RBFOX3: variants seen among roughly 807,000 people sequenced by gnomAD.
RBFOX3 encodes the protein RNA binding fox-1 homolog 3, also known as RNA binding protein fox-1 homolog 3.
RBFOX3 carries 17 observed loss-of-function variants against 48.7 expected under a neutral mutation model. The ratio of observed to expected loss-of-function variants is 0.35; its 90% confidence interval spans 0.24 to 0.52. The LOEUF is 0.52. Ranked by LOEUF, RBFOX3 falls within the 20% of genes least tolerant of loss-of-function variation. The probability of loss-of-function intolerance (pLI) is 0.94; values close to 1 mark genes in which losing one functional copy is unlikely to be tolerated. For missense variants in RBFOX3, 382 were observed against 497.5 expected (o/e 0.77, Z 2.21); for synonymous variants, 212 against 209.5 (o/e 1.01, Z -0.10).
Position 79,514,146 on chromosome 17 carries a change from C to T in RBFOX3, c.-319-31548G>A, listed in dbSNP as rs888207752. 4.6e-5 allele frequency among the ~76,000 whole-genome samples: 7 copies of T among 152,316 alleles called. No homozygotes were observed. The East Asian group carries it at 1.4e-3, about 29-fold the overall frequency. On this transcript the variant is annotated intron_variant, in intron 1 of 14. Coordinates refer to ENST00000693108, the MANE Select transcript of RBFOX3 (RefSeq NM_001350451.2). ...ATGACAGCCTCCTACCATCTCCACCCTGTGCTGGACAGAGGAAGCCACTGG... is the reference window on the plus strand; with the variant it reads ...ATGACAGCCTCCTACCATCTCCACCTTGTGCTGGACAGAGGAAGCCACTGG...
intron 4 of RBFOX3, among the ~76,000 whole-genome samples, chr17:79,133,939 C>T (rs957260508): frequency 2.0e-5 from 3 of 152,250 alleles, no homozygotes; most frequent in Non-Finnish European, 2.9e-5. Context: ...GCTACAGAGG[C>T]ATCCTCGTTT....
At position 79,363,391 on chromosome 17, in the gene RBFOX3, C is replaced by G. The variant is rs1197987523; in HGVS notation, c.-174-55567G>C. ...TACCCAGGAAGTCTGTGGGCTGTTCCCTCTGGAAATAGGGGGCTAAGGTGT... is the reference window on the plus strand; with the variant it reads ...TACCCAGGAAGTCTGTGGGCTGTTCGCTCTGGAAATAGGGGGCTAAGGTGT... On this transcript the variant is annotated intron_variant, in intron 2 of 14. Coordinates refer to ENST00000693108, the MANE Select transcript of RBFOX3 (RefSeq NM_001350451.2). The surrounding 1 kb of genome is among the most constrained non-coding windows in gnomAD (Gnocchi z 4.7). 2.6e-5 allele frequency among the ~76,000 whole-genome samples: 4 copies of G among 152,068 alleles called. No individual in the cohort carries two copies. Among genetic ancestry groups the G allele is most frequent in the Non-Finnish European group, 4.4e-5 (3 of 67,986 alleles).
intron 3 of RBFOX3, among the ~76,000 whole-genome samples, chr17:79,244,365 C>T (rs1361726343): frequency 7.2e-5 from 11 of 152,182 alleles, no homozygotes; most frequent in Non-Finnish European, 4.4e-5. Context: ...GGCCCTGAGA[C>T]ACCTGCATTC....
intron 2 of RBFOX3, among the ~76,000 whole-genome samples, chr17:79,340,779 T>C (rs1214797498): frequency 1.3e-5 from 2 of 152,134 alleles, no homozygotes; most frequent in South Asian, 4.1e-4. Context: ...AACATCTGGA[T>C]TCCATTGCTA....
Position 79,090,586 on chromosome 17 carries a change from C to G in RBFOX3, c.*297G>C, listed in dbSNP as rs1310154016. 2.3e-6 allele frequency: 1 copy of G among 425,674 alleles called. No individual in the cohort carries two copies. The highest frequency in any genetic ancestry group is 4.2e-6 in the Non-Finnish European group (1 of 239,458). The allele number at this position is 425,674 out of a possible 1,614,324, so 26.4% of individuals were successfully genotyped here. ...GGGTCCCACAAGGGAGGCCCCTTCCCCTCCAACTCCCCCACTGCCTGAGAC... is the reference window on the plus strand; with the variant it reads ...GGGTCCCACAAGGGAGGCCCCTTCCGCTCCAACTCCCCCACTGCCTGAGAC... On this transcript the variant is annotated 3_prime_UTR_variant, in exon 15 of 15. Coordinates refer to ENST00000693108, the MANE Select transcript of RBFOX3 (RefSeq NM_001350451.2).
intron 2 of RBFOX3, among the ~76,000 whole-genome samples, chr17:79,463,039 C>CGCCACT (rs1273646563): frequency 1.6e-5 from 1 of 61,328 alleles, no homozygotes; most frequent in Non-Finnish European, 4.7e-5. Context: ...CCACCACCAT[C>CGCCACT]GCCACTGCCA....
rs968515642 is a variant in RBFOX3 at position 79,591,205 on chromosome 17, G to A, written c.-320+19621C>T. On this transcript the variant is annotated intron_variant, in intron 1 of 14. Transcript: ENST00000693108. ...CTGAACCTGGCAGTCACGTGGTCCC[G>A]GGGGTCGGCACCCATTGCCATGTGT... is the stretch of plus-strand genomic sequence containing the variant. 4.7e-3 allele frequency among the ~76,000 whole-genome samples: 712 copies of A among 152,298 alleles called. 8 individuals carry two copies. The highest frequency in any genetic ancestry group is 0.015 in the African/African-American group (628 of 41,574).
At chr17:79,107,975 G>A (rs572309174) in intron 5 of RBFOX3, among the ~76,000 whole-genome samples, 3 of 152,360 alleles carry the variant, frequency 2.0e-5, no homozygotes, top group African/African-American at 7.2e-5. Context: ...CTGCCCATGG[G>A]AACAGCAGGC....
At position 79,197,656 on chromosome 17, in the gene RBFOX3, A is replaced by G. The variant is rs562124490; in HGVS notation, c.-34+38110T>C. On this transcript the variant is annotated intron_variant, in intron 4 of 14. Transcript: ENST00000693108. ...GTGATCCGCCCACCTCGGCCTCCCA[A>G]AGTGCTGGGATTACAGGCATGAGCC... 2.0e-5 allele frequency among the ~76,000 whole-genome samples: 3 copies of G among 152,034 alleles called. No individual in the cohort carries two copies. The East Asian group carries it at 5.8e-4, about 30-fold the overall frequency.
chr17:79,557,540 A>AG (rs1258596613), intron 1 of RBFOX3, among the ~76,000 whole-genome samples: 1 of 152,208 alleles, frequency 6.6e-6, no homozygotes, highest in Non-Finnish European at 1.5e-5. Context: ...GTGGGGGGAA[A>AG]GGGGGGAAGA....
the RBFOX3 span, among the ~76,000 whole-genome samples, chr17:79,626,391 T>A: frequency 6.6e-6 from 1 of 152,214 alleles, no homozygotes; most frequent in Non-Finnish European, 1.5e-5. Context: ...TCTCATCACC[T>A]GTCTCAGCGG....
At chr17:79,551,313 A>G (rs1457776754) in intron 1 of RBFOX3, among the ~76,000 whole-genome samples, 2 of 152,158 alleles carry the variant, frequency 1.3e-5, no homozygotes, top group East Asian at 3.8e-4. Flanking sequence ...ATGCTTTTCA[A>G]CTTTAACATG....
intron 2 of RBFOX3, among the ~76,000 whole-genome samples, chr17:79,422,525 C>T (rs1193216091): frequency 1.3e-5 from 2 of 152,268 alleles, no homozygotes; most frequent in Admixed American, 1.3e-4. Flanking sequence ...TCCTCCCGCT[C>T]CCTACACACC....
chr17:79,462,443 GCA>G (rs1304341238), intron 2 of RBFOX3, among the ~76,000 whole-genome samples: 1 of 152,198 alleles, frequency 6.6e-6, no homozygotes, highest in East Asian at 1.9e-4. Context: ...GGTGTCTTAC[GCA>G]CAGTTAGCCC....
chr17:79,458,064 CG>C (rs758450328), intron 2 of RBFOX3, among the ~76,000 whole-genome samples: 418 of 152,230 alleles, frequency 2.7e-3, no homozygotes, highest in Non-Finnish European at 4.2e-3. Flanking sequence ...CTTTGCAGGG[CG>C]GGGGACCCGG....
At chr17:79,656,791 AAAGAAAGAAAGAAAG>A in the RBFOX3 span, among the ~76,000 whole-genome samples, 1 of 912 alleles carries the variant, frequency 1.1e-3, no homozygotes, top group African/African-American at 2.4e-3. Flanking sequence ...AGAAAGAAAG[AAAGAAAGAAAGAAAG>A]AAAAGAAAGA....
At chr17:79,255,299 T>C (rs2064628116) in intron 3 of RBFOX3, among the ~76,000 whole-genome samples, 1 of 150,342 alleles carries the variant, frequency 6.7e-6, no homozygotes, top group African/African-American at 2.5e-5. Flanking sequence ...GAGTCTGGGG[T>C]GACGGTGCCG....
At chr17:79,433,417 C>T (rs1393467448) in intron 2 of RBFOX3, among the ~76,000 whole-genome samples, 4 of 152,214 alleles carry the variant, frequency 2.6e-5, no homozygotes, top group Non-Finnish European at 5.9e-5. Flanking sequence ...CTTTGTACTC[C>T]TCCCATGGAA....
At chr17:79,132,008 C>T (rs948039055) in intron 4 of RBFOX3, among the ~76,000 whole-genome samples, 2 of 152,200 alleles carry the variant, frequency 1.3e-5, no homozygotes, top group African/African-American at 2.4e-5. Flanking sequence ...CTTCTCCCAC[C>T]AGCTTCACCT....
Sources: gnomAD v4.1 joint callset for allele counts (sites outside exome capture counted in the v4.1 genomes callset) on GRCh38, gnomAD v4.1.1 for gene constraint, Gnocchi (gnomAD v3.1) non-coding constraint, MANE v1.5 for transcripts, NCBI Gene and HGNC (gene_info 2026-07-23, HGNC 2026-07-21) for gene names.